The following SSBP2 variants were observed in gnomAD, a reference collection of about 807,000 sequenced individuals.
SSBP2 encodes single stranded DNA binding protein 2.
SSBP2 carries 17 observed loss-of-function variants against 61.8 expected under a neutral mutation model. The observed-to-expected ratio is 0.28, with a 90% CI of 0.19 to 0.41. SSBP2 has a LOEUF of 0.41. SSBP2 is among the 10% of genes least tolerant of loss of function. SSBP2 has a pLI of 1.00. For synonymous variants in SSBP2, 139 were observed against 141.3 expected (o/e 0.98, Z 0.12); for missense variants, 310 against 458.7 (o/e 0.68, Z 2.96).
At chr5:81,531,223 T>C (rs1380102614) in intron 4 of SSBP2, among the ~76,000 whole-genome samples, 5 of 133,834 alleles carry the variant, frequency 3.7e-5, no homozygotes, top group African/African-American at 9.1e-5. Flanking sequence ...AGTAAGACCC[T>C]GTCTGGAAAA....
chr5:81,534,383 T>A (rs1770652132), intron 4 of SSBP2, among the ~76,000 whole-genome samples: 1 of 151,934 alleles, frequency 6.6e-6, no homozygotes, highest in Non-Finnish European at 1.5e-5. Flanking sequence ...AGAATCAGAC[T>A]CAGATAAGGG....
At chr5:81,671,697 T>C (rs1232470406) in intron 1 of SSBP2, among the ~76,000 whole-genome samples, 1 of 152,130 alleles carries the variant, frequency 6.6e-6, no homozygotes, top group Non-Finnish European at 1.5e-5. Flanking sequence ...AAAAACAAGA[T>C]GCAAATCTTG....
chr5:81,476,096 A>G (rs916749207), intron 6 of SSBP2, among the ~76,000 whole-genome samples: 2 of 152,064 alleles, frequency 1.3e-5, no homozygotes, highest in Non-Finnish European at 2.9e-5. Flanking sequence ...CTATAAATAT[A>G]TATCTATTAT....
At chr5:81,677,036 GT>G (rs1216256363) in intron 1 of SSBP2, among the ~76,000 whole-genome samples, 1 of 152,150 alleles carries the variant, frequency 6.6e-6, no homozygotes, top group Non-Finnish European at 1.5e-5. Context: ...GCAGGGTAAA[GT>G]GTTATGATCT....
At chr5:81,504,678 C>T (rs1447655161) in intron 5 of SSBP2, among the ~76,000 whole-genome samples, 1 of 152,130 alleles carries the variant, frequency 6.6e-6, no homozygotes, top group Non-Finnish European at 1.5e-5. Context: ...ATTTTTCTCC[C>T]TAGCCCTTAT....
At chr5:81,576,225 T>G (rs779694330) in intron 4 of SSBP2, among the ~76,000 whole-genome samples, 7 of 152,010 alleles carry the variant, frequency 4.6e-5, no homozygotes, top group Non-Finnish European at 1.0e-4. Flanking sequence ...AAGGAATAAT[T>G]GTCAGTTTTT....
At chr5:81,732,932 CAG>C (rs1756364671) in intron 1 of SSBP2, among the ~76,000 whole-genome samples, 1 of 152,214 alleles carries the variant, frequency 6.6e-6, no homozygotes, top group African/African-American at 2.4e-5. Context: ...AATTAGAAAA[CAG>C]TACATTTTAA....
At position 81,683,616 on chromosome 5, in the gene SSBP2, T is replaced by C. The variant is rs375845889; in HGVS notation, c.63-33277A>G. 1.2e-4 allele frequency among the ~76,000 whole-genome samples: 19 copies of C among 152,276 alleles called. No individual in the cohort carries two copies. The South Asian group carries it at 3.7e-3, about 30-fold the overall frequency. On this transcript the variant is annotated intron_variant, in intron 1 of 16. Transcript: ENST00000320672. ...AACACAAAACATTTTGTGATAGAAATAACTGGTAAGTTTGGCTTCATTAAA... is the reference window on the plus strand; with the variant it reads ...AACACAAAACATTTTGTGATAGAAACAACTGGTAAGTTTGGCTTCATTAAA...
chr5:81,432,810 G>GGGTC (rs1762386847), intron 15 of SSBP2, among the ~76,000 whole-genome samples: 2 of 122,870 alleles, frequency 1.6e-5, no homozygotes, highest in Non-Finnish European at 3.5e-5. Flanking sequence ...GGAGGTGGGG[G>GGGTC]AGTCAGCCCC....
chr5:81,613,266 A>ATT (rs10707328), intron 4 of SSBP2, among the ~76,000 whole-genome samples: 10 of 151,816 alleles, frequency 6.6e-5, no homozygotes, highest in Non-Finnish European at 1.2e-4. Flanking sequence ...TCAAATACTG[A>ATT]TTTTTTTTCT....
rs550000628 is a variant in SSBP2 at position 81,603,196 on chromosome 5, T to C, written c.282+12277A>G. On this transcript the variant is annotated intron_variant, in intron 4 of 16. Coordinates refer to ENST00000320672, the MANE Select transcript of SSBP2 (RefSeq NM_012446.5). ...ATGACTGTCTGCAGACTCCATAATG[T>C]CTGCTCATTTGTGAAGACGCAAACT... Among the ~76,000 whole-genome samples the C allele has an allele frequency of 4.1e-4, 63 of 152,336 alleles. 1 individual carries two copies. The highest frequency in any genetic ancestry group is 1.4e-3 in the African/African-American group (57 of 41,576).
intron 4 of SSBP2, among the ~76,000 whole-genome samples, chr5:81,587,016 T>C (rs1775107566): frequency 6.6e-6 from 1 of 151,988 alleles, no homozygotes; most frequent in African/African-American, 2.4e-5. Flanking sequence ...GGGACTCTTC[T>C]AAGCTTGCAT....
At chr5:81,581,001 T>C (rs1036534234) in intron 4 of SSBP2, among the ~76,000 whole-genome samples, 2 of 152,168 alleles carry the variant, frequency 1.3e-5, no homozygotes, top group Admixed American at 1.3e-4. Flanking sequence ...ATATTCTGCT[T>C]TTCTAATGAC....
intron 1 of SSBP2, among the ~76,000 whole-genome samples, chr5:81,669,428 T>C (rs1365492692): frequency 6.6e-6 from 1 of 152,172 alleles, no homozygotes; most frequent in Non-Finnish European, 1.5e-5. Context: ...AGCAAGATGA[T>C]TTCAGTAGGT....
chr5:81,583,686 T>C (rs941955747), intron 4 of SSBP2, among the ~76,000 whole-genome samples: 2 of 151,968 alleles, frequency 1.3e-5, no homozygotes, highest in African/African-American at 4.8e-5. Flanking sequence ...GAATATGTCT[T>C]TCCATTGTTG....
At chr5:81,670,006 T>C (rs997302867) in intron 1 of SSBP2, among the ~76,000 whole-genome samples, 5 of 151,942 alleles carry the variant, frequency 3.3e-5, no homozygotes, top group Non-Finnish European at 4.4e-5. Context: ...TACCAGGAGT[T>C]AGGGGGTCAG....
At chr5:81,719,730 CAGA>C (rs1755420761) in intron 1 of SSBP2, among the ~76,000 whole-genome samples, 1 of 152,092 alleles carries the variant, frequency 6.6e-6, no homozygotes, top group Non-Finnish European at 1.5e-5. Flanking sequence ...AGTCAGGAGG[CAGA>C]AGGAGACAGG....
chr5:81,550,579 A>C (rs1308030382), intron 4 of SSBP2, among the ~76,000 whole-genome samples: 1 of 152,228 alleles, frequency 6.6e-6, no homozygotes, highest in Non-Finnish European at 1.5e-5. Context: ...AATGGTCTAG[A>C]ACCTCAAAAT....
intron 6 of SSBP2, among the ~76,000 whole-genome samples, chr5:81,475,009 TCA>T (rs1765494566): frequency 6.6e-6 from 1 of 152,186 alleles, no homozygotes; most frequent in Non-Finnish European, 1.5e-5. Flanking sequence ...TGTTTTGTAG[TCA>T]CAGTTTCCCT....
Sources: gnomAD v4.1 joint callset for allele counts (sites outside exome capture counted in the v4.1 genomes callset) on GRCh38, gnomAD v4.1.1 for gene constraint, MANE v1.5 for transcripts, NCBI Gene and HGNC (gene_info 2026-07-23, HGNC 2026-07-21) for gene names.